SLC26A5: variants seen among roughly 807,000 people sequenced by gnomAD.
SLC26A5 encodes the protein prestin.
SLC26A5 carries 51 observed loss-of-function variants against 81.0 expected under a neutral mutation model. That is an observed-to-expected ratio of 0.63 (90% CI 0.50 to 0.80). The LOEUF is 0.80. Ranked by LOEUF, SLC26A5 falls within the 30% of genes least tolerant of loss-of-function variation. SLC26A5 has a pLI of 0.00. For missense variants in SLC26A5, 771 were observed against 905.8 expected, an observed-to-expected ratio of 0.85 and a Z score of 1.91; for synonymous variants, 325 against 332.8, an observed-to-expected ratio of 0.98 and a Z score of 0.25.
At chr7:103,374,722 CAG>C (rs1345141130) in intron 19 of SLC26A5, 130 bp from the exon 20 acceptor site, 10 of 858,840 alleles carry the variant, frequency 1.2e-5, no homozygotes, top group Admixed American at 8.1e-5. Context: ...TTTTTTGAGA[CAG>C]AGTCTCACTC....
intron 9 of SLC26A5, among the ~76,000 whole-genome samples, chr7:103,397,264 G>A (rs537973747): frequency 9.7e-4 from 148 of 151,988 alleles, no homozygotes; most frequent in Non-Finnish European, 1.4e-3. Flanking sequence ...AAAATTAGCC[G>A]GGTGTGGTGG....
intron 14 of SLC26A5, among the ~76,000 whole-genome samples, chr7:103,385,455 G>A (rs966656348): frequency 6.6e-6 from 1 of 152,056 alleles, no homozygotes; most frequent in Non-Finnish European, 1.5e-5. Context: ...TGCTCTGAGG[G>A]AAAATGAGTG....
intron 19 of SLC26A5, among the ~76,000 whole-genome samples, chr7:103,365,458 C>A (rs1255425228): frequency 6.6e-6 from 1 of 151,910 alleles, no homozygotes; most frequent in East Asian, 1.9e-4. Context: ...ATGGAGAAAC[C>A]CCGTCTCCAT....
At chr7:103,403,131 C>T (rs2116584728) in intron 8 of SLC26A5, among the ~76,000 whole-genome samples, 1 of 152,244 alleles carries the variant, frequency 6.6e-6, no homozygotes, top group South Asian at 2.1e-4. Flanking sequence ...TTGTTATTTA[C>T]CCAGTAGTCA....
Position 103,389,006 on chromosome 7 carries a change from A to G in SLC26A5, c.1514+2T>C. On this transcript the variant is annotated splice_donor_variant, in intron 14 of 19. Coordinates refer to ENST00000306312, the MANE Select transcript of SLC26A5 (RefSeq NM_198999.3). LOFTEE classifies it high-confidence loss of function. ...CACACCCATTCCAATCTGGGCACTC[A>G]CCTCTGTGTTCTGTAAATCACAGTC... The G allele has an allele frequency of 6.2e-7, 1 of 1,604,274 alleles. No individual in the cohort carries two copies. The highest frequency in any genetic ancestry group is 1.1e-5 in the South Asian group (1 of 90,662).
intron 14 of SLC26A5, among the ~76,000 whole-genome samples, chr7:103,388,355 C>A (rs567467262): frequency 1.3e-5 from 2 of 152,028 alleles, no homozygotes; most frequent in African/African-American, 4.8e-5. Flanking sequence ...TGCCACCAAG[C>A]CTGGCTAATT....
At chr7:103,363,480 G>A in intron 19 of SLC26A5, 1 of 1,538,778 alleles carries the variant, frequency 6.5e-7, no homozygotes, top group Non-Finnish European at 9.0e-7. Context: ...TTTGTATAAA[G>A]ATGTCTTTTG....
chr7:103,420,738 C>A lies in SLC26A5; in HGVS notation c.292G>T (p.Gly98Cys). 6.2e-7 allele frequency: 1 copy of A among 1,613,978 alleles called. No homozygotes were observed. The highest frequency in any genetic ancestry group is 1.1e-5 in the South Asian group (1 of 91,068). ...GGGAAAGAAAGAAAGATCTACTGAC[C>A]TTGAGGAAGCTGAAGCACCCCTGTG... ...ISTGVLQLPQ[G>C]LAFAMLAAVP... Residue 98 changes from glycine (G) to cysteine (C), a missense_variant and splice_region_variant, in exon 4 of 20, where the codon GGC (glycine) becomes TGC (cysteine). Gly to Cys is a radical substitution (Grantham distance 159). Coordinates refer to ENST00000306312, the MANE Select transcript of SLC26A5 (RefSeq NM_198999.3).
chr7:103,418,015 C>G (rs538520529), intron 4 of SLC26A5, among the ~76,000 whole-genome samples: 27 of 152,306 alleles, frequency 1.8e-4, no homozygotes, highest in Non-Finnish European at 3.2e-4. Context: ...GTTGGGATTA[C>G]AGGTGTGAGC....
chr7:103,427,068 A>T (rs1260959351), intron 2 of SLC26A5, among the ~76,000 whole-genome samples: 2 of 151,814 alleles, frequency 1.3e-5, no homozygotes, highest in Admixed American at 1.3e-4. Context: ...AACATTTTTC[A>T]TCATAGATTT....
intron 3 of SLC26A5, 133 bp downstream of exon 3, chr7:103,421,230 G>T: frequency 9.9e-7 from 1 of 1,005,874 alleles, no homozygotes; most frequent in Non-Finnish European, 1.5e-6. Flanking sequence ...CTCGTGAACA[G>T]CTTTGCAAAC....
At chr7:103,440,275 G>A (rs1178330583) in intron 2 of SLC26A5, among the ~76,000 whole-genome samples, 1 of 152,158 alleles carries the variant, frequency 6.6e-6, no homozygotes, top group Admixed American at 6.5e-5. Context: ...GTTGTTAAAA[G>A]TGTTCAATAA....
At chr7:103,381,248 C>T (rs1211094116) in intron 14 of SLC26A5, among the ~76,000 whole-genome samples, 1 of 151,608 alleles carries the variant, frequency 6.6e-6, no homozygotes, top group Non-Finnish European at 1.5e-5. Context: ...GCAATACACA[C>T]ACATACAATG....
chr7:103,379,851 A>G (rs1821643284), intron 15 of SLC26A5, among the ~76,000 whole-genome samples: 1 of 152,174 alleles, frequency 6.6e-6, no homozygotes, highest in Admixed American at 6.5e-5. Flanking sequence ...GGCTGGAAAC[A>G]AGCAATGTTG....
chr7:103,402,653 C>A (rs1366026954), intron 8 of SLC26A5, among the ~76,000 whole-genome samples: 2 of 152,100 alleles, frequency 1.3e-5, no homozygotes, highest in African/African-American at 4.8e-5. Context: ...CCTGCCTCGG[C>A]CTCCCAAAGT....
chr7:103,442,050 G>T (rs1826917263), intron 2 of SLC26A5, among the ~76,000 whole-genome samples: 1 of 152,160 alleles, frequency 6.6e-6, no homozygotes, highest in Non-Finnish European at 1.5e-5. Context: ...AATCCTGACT[G>T]GACATTAGTA....
intron 14 of SLC26A5, among the ~76,000 whole-genome samples, chr7:103,382,199 TTTG>T (rs1404555319): frequency 6.6e-6 from 1 of 152,182 alleles, no homozygotes; most frequent in East Asian, 1.9e-4. Context: ...GGAATTTTTG[TTTG>T]TTGTTAGCAA....
rs562854182 is a variant in SLC26A5 at position 103,391,629 on chromosome 7, T to A, written c.1226A>T (p.Lys409Met). Residue 409 changes from lysine to methionine, a missense_variant, in exon 11 of 20, where the codon AAG becomes ATG. By Grantham distance (95) the Lys-to-Met change is moderately conservative. Coordinates refer to ENST00000306312, the MANE Select transcript of SLC26A5 (RefSeq NM_198999.3). ...GGCCTGTTATGTACATACCTGTGTC[T>A]TCCCACCGGTTCCCTCCTGAACAAG... ...RSLVQEGTGG[K>M]TQLAGCLASL... The A allele has an allele frequency of 3.0e-5, 49 of 1,613,768 alleles. No individual in the cohort carries two copies. Among genetic ancestry groups the A allele is most frequent in the Non-Finnish European group, 4.0e-5 (47 of 1,179,778 alleles).
intron 19 of SLC26A5, among the ~76,000 whole-genome samples, chr7:103,375,233 T>C (rs567956486): frequency 6.6e-6 from 1 of 151,722 alleles, no homozygotes; most frequent in East Asian, 1.9e-4. Context: ...CTACATCGTA[T>C]TCTATTGTAT....
Sources: allele counts gnomAD v4.1 joint callset (sites outside exome capture counted in the v4.1 genomes callset), GRCh38; gene constraint gnomAD v4.1.1; transcripts MANE v1.5; gene names NCBI Gene and HGNC (gene_info 2026-07-23, HGNC 2026-07-21).